XRCC5: variants seen among roughly 807,000 people sequenced by gnomAD.
The protein encoded by XRCC5 is X-ray repair cross complementing 5.
In XRCC5, 12 loss-of-function variants were observed where a neutral mutation model predicts 95.7. The observed-to-expected ratio is 0.13, with a 90% CI of 0.08 to 0.20. The LOEUF (loss-of-function observed/expected upper bound fraction) is 0.20. XRCC5 is among the 10% of genes least tolerant of loss of function. The pLI is 1.00. For synonymous variants in XRCC5, 281 were observed against 290.3 expected (o/e 0.97, Z 0.33); for missense variants, 595 against 873.9 (o/e 0.68, Z 4.02).
chr2:216,192,820 A>G (rs1237674670), intron 18 of XRCC5, 85 bp downstream of exon 18: 1 of 913,790 alleles, frequency 1.1e-6, no homozygotes, highest in African/African-American at 1.7e-5. Context: ...TAAATTCTAA[A>G]TATAAACTGT....
chr2:216,172,518 G>T (rs1314422128), intron 16 of XRCC5, among the ~76,000 whole-genome samples: 1 of 128,136 alleles, frequency 7.8e-6, no homozygotes, highest in African/African-American at 3.1e-5. Context: ...ACCCAGGCTG[G>T]AGCACAGTGG....
At chr2:216,171,458 G>A (rs1461952901) in intron 16 of XRCC5, among the ~76,000 whole-genome samples, 1 of 152,190 alleles carries the variant, frequency 6.6e-6, no homozygotes, top group Non-Finnish European at 1.5e-5. Context: ...AATTTAACTT[G>A]TTTTTAGAGG....
Position 216,161,572 on chromosome 2 carries a change from C to T in XRCC5, c.1765-407C>T, listed in dbSNP as rs1379442437. Among the ~76,000 whole-genome samples the T allele has an allele frequency of 2.0e-5, 3 of 152,220 alleles. 1 individual carries two copies. Among genetic ancestry groups the T allele is most frequent in the Non-Finnish European group, 4.4e-5 (3 of 68,040 alleles). On this transcript the variant is annotated intron_variant, in intron 15 of 20. Coordinates refer to ENST00000392132, the MANE Select transcript of XRCC5 (RefSeq NM_021141.4). ...GAATCAGGCATTAAGCTGTATTTCT[C>T]ATGTTATCTTAGTGGGGCAAATCTA...
chr2:216,159,416 A>T (rs1688905763), intron 14 of XRCC5, among the ~76,000 whole-genome samples: 1 of 152,232 alleles, frequency 6.6e-6, no homozygotes, highest in African/African-American at 2.4e-5. Context: ...CTTAGCACAC[A>T]GATGCTACTG....
At chr2:216,117,568 T>G (rs1272918237) in intron 3 of XRCC5, 178 bp from the exon 4 acceptor site, 5 of 557,362 alleles carry the variant, frequency 9.0e-6, no homozygotes, top group Non-Finnish European at 1.6e-5. Context: ...TATAGTTTGA[T>G]ATATAGAATG....
intron 1 of XRCC5, among the ~76,000 whole-genome samples, chr2:216,109,903 G>T (rs1239635758): frequency 6.6e-6 from 1 of 152,168 alleles, no homozygotes; most frequent in Non-Finnish European, 1.5e-5. Flanking sequence ...TTAAGAGAGG[G>T]ACTATCTGTG....
chr2:216,196,141 C>T (rs1470617391), intron 19 of XRCC5, among the ~76,000 whole-genome samples: 1 of 151,206 alleles, frequency 6.6e-6, no homozygotes, highest in Non-Finnish European at 1.5e-5. Context: ...AGGCATTTGG[C>T]AGAAACCATG....
chr2:216,129,773 A>G (rs1380489550), intron 8 of XRCC5, among the ~76,000 whole-genome samples: 3 of 152,196 alleles, frequency 2.0e-5, no homozygotes, highest in Non-Finnish European at 4.4e-5. Flanking sequence ...TCCCAGGTTC[A>G]AGTGATTCTC....
intron 14 of XRCC5, chr2:216,156,956 C>T (rs750816840): frequency 3.2e-5 from 10 of 307,914 alleles, no homozygotes; most frequent in South Asian, 5.9e-5. Context: ...ATTTATTCCC[C>T]GTGATGACAG....
At chr2:216,136,591 A>G (rs1310309516) in intron 10 of XRCC5, among the ~76,000 whole-genome samples, 1 of 152,188 alleles carries the variant, frequency 6.6e-6, no homozygotes, top group East Asian at 1.9e-4. Context: ...CTGTCAAACA[A>G]AAAAATCGAG....
At chr2:216,128,953 C>G (rs1056110971) in intron 8 of XRCC5, among the ~76,000 whole-genome samples, 1 of 152,202 alleles carries the variant, frequency 6.6e-6, no homozygotes, top group African/African-American at 2.4e-5. Context: ...TGCCTGCATT[C>G]TATTCTGAAT....
chr2:216,116,412 C>T (rs1696698111), intron 2 of XRCC5, among the ~76,000 whole-genome samples: 1 of 152,162 alleles, frequency 6.6e-6, no homozygotes, highest in Admixed American at 6.5e-5. Flanking sequence ...ACACTTACTA[C>T]CCTCCTATTT....
intron 16 of XRCC5, among the ~76,000 whole-genome samples, chr2:216,187,061 C>T (rs563001589): frequency 6.6e-6 from 1 of 152,222 alleles, no homozygotes; most frequent in South Asian, 2.1e-4. Context: ...GTCAGTGAAC[C>T]ACAAAAGTAG....
At chr2:216,130,565 C>T (rs1696980113) in intron 8 of XRCC5, 1 of 208,724 alleles carries the variant, frequency 4.8e-6, no homozygotes, top group Non-Finnish European at 9.4e-6. Flanking sequence ...TGGAGGATAA[C>T]TAGTACGTTA....
chr2:216,192,570 G>GAAA lies in XRCC5; in HGVS notation c.1945-69_1945-68insAAA, dbSNP rs1689635274. 4 of 1,098,806 alleles carry GAAA rather than the reference G, an allele frequency of 3.6e-6. No individual in the cohort carries two copies. The African/African-American group carries it at 6.5e-5, about 18-fold the overall frequency. The allele number at this position is 1,098,806 out of a possible 1,614,324, so 68.1% of individuals were successfully genotyped here. On this transcript the variant is annotated intron_variant, in intron 17 of 20. Coordinates refer to ENST00000392132, the MANE Select transcript of XRCC5 (RefSeq NM_021141.4). ...GGTGATTCAGACCAAACTTTGTTTG[G>GAAA]TCTGGGGTGAATTTGTTTTTGTGTT... is the stretch of plus-strand genomic sequence containing the variant.
chr2:216,119,674 A>G (rs182285070), intron 5 of XRCC5, among the ~76,000 whole-genome samples: 22 of 152,350 alleles, frequency 1.4e-4, no homozygotes, highest in Admixed American at 1.4e-3. Context: ...TTGTGGACAC[A>G]TATATAAAAT....
At chr2:216,160,880 C>T (rs769778920) in intron 15 of XRCC5, among the ~76,000 whole-genome samples, 4 of 151,930 alleles carry the variant, frequency 2.6e-5, no homozygotes, top group African/African-American at 2.4e-5. Context: ...CCACCATACC[C>T]GGCTATTTTT....
intron 19 of XRCC5, among the ~76,000 whole-genome samples, chr2:216,199,809 TC>T (rs1309451085): frequency 2.6e-4 from 15 of 58,192 alleles, no homozygotes; most frequent in Admixed American, 8.9e-4. Context: ...GGCATTGGGA[TC>T]TTTTTTTTTT....
chr2:216,147,995 A>C, intron 13 of XRCC5, 88 bp from the exon 14 acceptor site: 3 of 1,409,558 alleles, frequency 2.1e-6, no homozygotes, highest in African/African-American at 1.5e-5. Flanking sequence ...GCCCTCCCAC[A>C]CTAAAGATGG....
Sources: allele counts gnomAD v4.1 joint callset (sites outside exome capture counted in the v4.1 genomes callset), GRCh38; gene constraint gnomAD v4.1.1; transcripts MANE v1.5; gene names NCBI Gene and HGNC (gene_info 2026-07-23, HGNC 2026-07-21).